Variants in CAMK1D observed in about 807,000 individuals in gnomAD.
CAMK1D encodes calcium/calmodulin dependent protein kinase ID, also known as calcium/calmodulin-dependent protein kinase type 1D.
In CAMK1D, 9 loss-of-function variants were observed where a neutral mutation model predicts 47.7. The ratio of observed to expected loss-of-function variants is 0.19; its 90% CI spans 0.11 to 0.33. The LOEUF (loss-of-function observed/expected upper bound fraction) is 0.33, where lower values mean the gene tolerates loss of function less well. Ranked by LOEUF, CAMK1D falls within the 10% of genes least tolerant of loss-of-function variation. The probability of loss-of-function intolerance (pLI) is 1.00; values close to 1 mark genes in which losing one functional copy is unlikely to be tolerated. For synonymous variants in CAMK1D, 184 were observed against 184.9 expected (o/e 0.99, Z 0.04); for missense variants, 291 against 488.7 (o/e 0.60, Z 3.81).
At chr10:12,422,571 C>G (rs1840091245) in intron 1 of CAMK1D, among the ~76,000 whole-genome samples, 1 of 152,144 alleles carries the variant, frequency 6.6e-6, no homozygotes, top group Non-Finnish European at 1.5e-5. Context: ...GAGCTCTCCC[C>G]TCCAAAAAAG....
chr10:12,530,638 G>A (rs1458751547), intron 1 of CAMK1D, among the ~76,000 whole-genome samples: 1 of 152,206 alleles, frequency 6.6e-6, no homozygotes, highest in African/African-American at 2.4e-5. Flanking sequence ...AGGTCTTCCC[G>A]TGGCCTCGGG....
At chr10:12,750,670 A>AATGAATGAATGAATGAATGAATG (rs1158018011) in intron 3 of CAMK1D, among the ~76,000 whole-genome samples, 3 of 148,796 alleles carry the variant, frequency 2.0e-5, no homozygotes, top group Non-Finnish European at 3.0e-5. Flanking sequence ...GAAAGTCAAG[A>AATGAATGAATGAATGAATGAATG]ATGAATGAAT....
intron 3 of CAMK1D, among the ~76,000 whole-genome samples, chr10:12,691,729 G>C (rs1258836806): frequency 1.3e-5 from 2 of 152,052 alleles, no homozygotes; most frequent in Non-Finnish European, 2.9e-5. Flanking sequence ...GGGATTACAA[G>C]CATGAGCCAC....
chr10:12,415,438 A>G lies in CAMK1D; in HGVS notation c.92+65528A>G, dbSNP rs1224077788. 2.9e-5 allele frequency among the ~76,000 whole-genome samples: 4 copies of G among 137,524 alleles called. No homozygotes were observed. In the South Asian group the frequency reaches 9.8e-4, roughly 34 times the overall value. 90.2% of individuals were successfully genotyped at this position (137,524 alleles called of 152,430 possible). On this transcript the variant is annotated intron_variant, in intron 1 of 10. Coordinates refer to ENST00000619168, the MANE Select transcript of CAMK1D (RefSeq NM_153498.4). The stretch of plus-strand genomic sequence containing the variant: ...CAAGTAGCTGGCATTACAGGCACCC[A>G]CCACCACGCCTGGCTAATTTTTTTT...
At chr10:12,580,304 C>T (rs952570) in intron 2 of CAMK1D, among the ~76,000 whole-genome samples, 92,126 of 148,992 alleles carry the variant, frequency 0.62, 28,838 homozygotes, top group African/African-American at 0.7. Context: ...ACCAATGTAT[C>T]TGGACTAAAA....
chr10:12,828,908 C>A lies in CAMK1D; in HGVS notation c.*21C>A. ...AGTGACTGGCCCTGGAGGTGGGGCC[C>A]GGGGTCGGGGCTGGGGAAGGGGAGC... On this transcript the variant is annotated 3_prime_UTR_variant, in exon 11 of 11. Transcript: ENST00000619168. The A allele has an allele frequency of 6.6e-7, 1 of 1,518,732 alleles. No homozygotes were observed. The highest frequency in any genetic ancestry group is 8.9e-7 in the Non-Finnish European group (1 of 1,118,400). The allele number at this position is 1,518,732 out of a possible 1,614,324, so 94.1% of individuals were successfully genotyped here.
chr10:12,807,682 G>A (rs17136890), intron 6 of CAMK1D, among the ~76,000 whole-genome samples: 7,492 of 152,234 alleles, frequency 0.049, 608 homozygotes, highest in African/African-American at 0.17. Context: ...TTCACACAGT[G>A]GGCATCATCT....
intron 1 of CAMK1D, among the ~76,000 whole-genome samples, chr10:12,361,765 A>C (rs1433620469): frequency 2.0e-5 from 3 of 151,758 alleles, no homozygotes; most frequent in Non-Finnish European, 4.4e-5. Flanking sequence ...CATGTTGGCC[A>C]GGCTGGTCTC....
chr10:12,379,591 A>C (rs1270521741), intron 1 of CAMK1D, among the ~76,000 whole-genome samples: 1 of 152,058 alleles, frequency 6.6e-6, no homozygotes, highest in Non-Finnish European at 1.5e-5. Context: ...TGTCTCTACT[A>C]AAAATACAAA....
chr10:12,751,276 G>A (rs1835970627), intron 3 of CAMK1D, among the ~76,000 whole-genome samples: 1 of 152,108 alleles, frequency 6.6e-6, no homozygotes, highest in African/African-American at 2.4e-5. Flanking sequence ...TTATTCTAGA[G>A]ATAGAGTCTT....
In CAMK1D at chr10:12,647,145, C is replaced by CTTTTTTTT. The variant is rs397693477; in HGVS notation, c.225-19576_225-19569dup. Among the ~76,000 whole-genome samples the CTTTTTTTT allele has an allele frequency of 6.5e-5, 5 of 76,780 alleles. 1 individual carries two copies. The highest frequency in any genetic ancestry group is 9.9e-5 in the Non-Finnish European group (4 of 40,438). The allele number at this position is 76,780 out of a possible 152,430, so 50.4% of individuals were successfully genotyped here. On this transcript the variant is annotated intron_variant, in intron 2 of 10. Transcript: ENST00000619168. ...CGTGAGCCTCCTTGCCCAGGCTAGC[C>CTTTTTTTT]TTTTTTTTTTTTTTTTTTTTTTGAA...
At chr10:12,393,975 G>GTTGA (rs1165236560) in intron 1 of CAMK1D, among the ~76,000 whole-genome samples, 1 of 152,148 alleles carries the variant, frequency 6.6e-6, no homozygotes, top group African/African-American at 2.4e-5. Flanking sequence ...GACCCCCCAG[G>GTTGA]TTGAGGGCAG....
intron 1 of CAMK1D, among the ~76,000 whole-genome samples, chr10:12,544,362 T>G (rs532224569): frequency 6.6e-6 from 1 of 152,256 alleles, no homozygotes; most frequent in South Asian, 2.1e-4. Context: ...CCCACAGTTA[T>G]GCATTTTATA....
intron 2 of CAMK1D, among the ~76,000 whole-genome samples, chr10:12,584,044 A>G (rs1837742796): frequency 6.6e-6 from 1 of 152,140 alleles, no homozygotes; most frequent in Admixed American, 6.5e-5. Context: ...TCACCCTGGG[A>G]GCACCTATAT....
intron 1 of CAMK1D, among the ~76,000 whole-genome samples, chr10:12,479,584 T>G (rs1313911891): frequency 6.6e-6 from 1 of 152,136 alleles, no homozygotes; most frequent in Non-Finnish European, 1.5e-5. Context: ...CTGTGCTGAG[T>G]CTCCCACTCA....
intron 1 of CAMK1D, among the ~76,000 whole-genome samples, chr10:12,382,652 C>A (rs765593496): frequency 6.6e-6 from 1 of 152,006 alleles, no homozygotes; most frequent in Admixed American, 6.6e-5. Flanking sequence ...TGGTAAAATC[C>A]CATCTCTACT....
intron 1 of CAMK1D, among the ~76,000 whole-genome samples, chr10:12,355,866 G>T (rs536178624): frequency 2.6e-5 from 4 of 152,314 alleles, no homozygotes; most frequent in Admixed American, 6.5e-5. Context: ...AAGGGGCAAA[G>T]AAGGGAAAGG....
intron 1 of CAMK1D, among the ~76,000 whole-genome samples, chr10:12,387,788 C>A (rs894484350): frequency 1.3e-4 from 20 of 151,954 alleles, no homozygotes; most frequent in African/African-American, 4.4e-4. Context: ...CCGTACCTGG[C>A]CTGTGTGTGT....
chr10:12,735,049 A>G (rs1296427675), intron 3 of CAMK1D, among the ~76,000 whole-genome samples: 1 of 152,234 alleles, frequency 6.6e-6, no homozygotes, highest in East Asian at 1.9e-4. Flanking sequence ...ATAGAATATT[A>G]ATAGTAATAA....
Sources: allele counts gnomAD v4.1 joint callset (sites outside exome capture counted in the v4.1 genomes callset), GRCh38; gene constraint gnomAD v4.1.1; transcripts MANE v1.5; gene names NCBI Gene and HGNC (gene_info 2026-07-23, HGNC 2026-07-21).